Variants in SAMD12 observed in about 807,000 individuals in gnomAD.
SAMD12 encodes the protein sterile alpha motif domain containing 12, also known as sterile alpha motif domain-containing protein 12.
SAMD12 carries 9 observed loss-of-function variants against 15.0 expected under a neutral mutation model. The ratio of observed to expected loss-of-function variants is 0.60; its 90% CI spans 0.36 to 1.05. SAMD12 has a LOEUF of 1.05. SAMD12 is among the 50% of genes least tolerant of loss of function. The pLI is 0.01. For missense variants in SAMD12, 230 were observed against 234.2 expected (o/e 0.98, Z 0.12); for synonymous variants, 86 against 90.1 (o/e 0.96, Z 0.25).
intron 2 of SAMD12, among the ~76,000 whole-genome samples, chr8:118,566,574 C>T (rs1432441729): frequency 6.6e-6 from 1 of 152,100 alleles, no homozygotes; most frequent in Non-Finnish European, 1.5e-5. Context: ...AAAAGCCACT[C>T]TCACTAAATA....
intron 4 of SAMD12, among the ~76,000 whole-genome samples, chr8:118,262,780 T>C (rs1006717886): frequency 6.6e-6 from 1 of 151,996 alleles, no homozygotes; most frequent in African/African-American, 2.4e-5. Context: ...TCTGAAGACT[T>C]TAGGGCCATG....
intron 4 of SAMD12, among the ~76,000 whole-genome samples, chr8:118,248,866 T>G (rs930947773): frequency 2.6e-5 from 4 of 152,192 alleles, no homozygotes; most frequent in Non-Finnish European, 4.4e-5. Context: ...AATCTGTTCA[T>G]GCTTAGGGAC....
the SAMD12 span, among the ~76,000 whole-genome samples, chr8:118,163,986 G>T: frequency 6.6e-6 from 1 of 152,216 alleles, no homozygotes; most frequent in Non-Finnish European, 1.5e-5. Context: ...AAGAGTATCG[G>T]TAGGAACGAG....
Position 118,248,604 on chromosome 8 carries a change from TA to T in SAMD12, c.434-50873del, listed in dbSNP as rs1009207734. Among the ~76,000 whole-genome samples the T allele has an allele frequency of 4.7e-5, 7 of 150,102 alleles. No individual in the cohort carries two copies. In the East Asian group the frequency reaches 8.1e-4, roughly 17 times the overall value. Reference sequence around the variant, plus strand: ...CTCACTGTCTGTTTTGGCCACTATTTAAAAAAAATGATTACTGAATAGATGA... The same window carrying T: ...CTCACTGTCTGTTTTGGCCACTATTTAAAAAAATGATTACTGAATAGATGA... On this transcript the variant is annotated intron_variant, in intron 4 of 4. Coordinates refer to the SAMD12 transcript ENST00000409003.
chr8:118,476,493 C>A (rs1175105725), intron 2 of SAMD12, among the ~76,000 whole-genome samples: 1 of 152,132 alleles, frequency 6.6e-6, no homozygotes. Context: ...AGAGTCTAGT[C>A]CAGAAAGATG....
intron 3 of SAMD12, among the ~76,000 whole-genome samples, chr8:118,418,053 C>G (rs1052784887): frequency 6.6e-6 from 1 of 152,126 alleles, no homozygotes; most frequent in Non-Finnish European, 1.5e-5. Context: ...TTCTGCCCAT[C>G]ATCAACTTCA....
intron 1 of SAMD12, among the ~76,000 whole-genome samples, chr8:118,620,333 G>T (rs922435648): frequency 1.6e-5 from 2 of 126,640 alleles, no homozygotes; most frequent in Non-Finnish European, 3.1e-5. Flanking sequence ...AGCTCAAGAT[G>T]AACTTTATCT....
chr8:118,167,681 A>G, the SAMD12 span, among the ~76,000 whole-genome samples: 1 of 152,174 alleles, frequency 6.6e-6, no homozygotes, highest in South Asian at 2.1e-4. Context: ...CTTTGCTGAC[A>G]GCAGCCAATC....
At chr8:118,160,966 C>G in the SAMD12 span, among the ~76,000 whole-genome samples, 2 of 152,096 alleles carry the variant, frequency 1.3e-5, no homozygotes, top group Non-Finnish European at 2.9e-5. Flanking sequence ...ACAACAGTCC[C>G]CAGTGTGTGA....
chr8:118,292,421 G>GA (rs1282866511), intron 4 of SAMD12, among the ~76,000 whole-genome samples: 1 of 141,730 alleles, frequency 7.1e-6, no homozygotes, highest in African/African-American at 2.6e-5. Flanking sequence ...CAGATTCATA[G>GA]AAAAAACAAC....
intron 3 of SAMD12, among the ~76,000 whole-genome samples, chr8:118,434,044 G>A (rs1822500587): frequency 6.6e-6 from 1 of 152,160 alleles, no homozygotes; most frequent in South Asian, 2.1e-4. Flanking sequence ...GAGTAGAACA[G>A]CCCAGAAAAA....
chr8:118,537,548 A>G (rs1046848083), intron 2 of SAMD12, among the ~76,000 whole-genome samples: 6 of 152,140 alleles, frequency 3.9e-5, no homozygotes, highest in African/African-American at 1.4e-4. Flanking sequence ...TGCTCAATCA[A>G]TTCTGCTGTT....
chr8:118,301,297 T>C (rs565823899), intron 4 of SAMD12, among the ~76,000 whole-genome samples: 1 of 152,314 alleles, frequency 6.6e-6, no homozygotes, highest in South Asian at 2.1e-4. Context: ...GTGAACACCA[T>C]TTAGAATAAA....
the SAMD12 span, among the ~76,000 whole-genome samples, chr8:118,138,592 G>T: frequency 6.6e-6 from 1 of 152,212 alleles, no homozygotes; most frequent in African/African-American, 2.4e-5. Flanking sequence ...GGATGTATGA[G>T]AAATAAATTT....
chr8:118,151,091 A>T, the SAMD12 span, among the ~76,000 whole-genome samples: 1 of 151,980 alleles, frequency 6.6e-6, no homozygotes, highest in African/African-American at 2.4e-5. Flanking sequence ...ACAGTATCTT[A>T]AAACGTTTCT....
intron 2 of SAMD12, among the ~76,000 whole-genome samples, chr8:118,550,479 G>A (rs998023212): frequency 6.6e-6 from 1 of 152,194 alleles, no homozygotes; most frequent in African/African-American, 2.4e-5. Flanking sequence ...AGCAAATGCT[G>A]AGAGATTTTG....
chr8:118,204,417 T>A (rs1306951204), intron 4 of SAMD12, among the ~76,000 whole-genome samples: 3 of 151,914 alleles, frequency 2.0e-5, no homozygotes, highest in Non-Finnish European at 4.4e-5. Flanking sequence ...ACTGAGAGTA[T>A]GATTAAGGAA....
intron 2 of SAMD12, 73 bp from the exon 3 acceptor site, chr8:118,440,034 A>G: frequency 6.8e-7 from 1 of 1,469,248 alleles, no homozygotes; most frequent in Non-Finnish European, 9.4e-7. Context: ...AAAGTCTTAG[A>G]GTGTGTTAAA....
rs956506831 is a variant in SAMD12, at chr8:118,317,643, G to T, written c.433+61917C>A. ...TAGCTGGAAGGGTGCAACAAGAAAGGCTTCTGGGGTGCTAGTAATGTTCTA... is the reference window on the plus strand; with the variant it reads ...TAGCTGGAAGGGTGCAACAAGAAAGTCTTCTGGGGTGCTAGTAATGTTCTA... On this transcript the variant is annotated intron_variant, in intron 4 of 4. Coordinates refer to the SAMD12 transcript ENST00000409003. 3.3e-5 allele frequency among the ~76,000 whole-genome samples: 5 copies of T among 152,258 alleles called. No homozygotes were observed. In the East Asian group the frequency reaches 9.6e-4, roughly 29 times the overall value.
Sources: allele counts gnomAD v4.1 joint callset (sites outside exome capture counted in the v4.1 genomes callset), GRCh38; gene constraint gnomAD v4.1.1; transcripts MANE v1.5; gene names NCBI Gene and HGNC (gene_info 2026-07-23, HGNC 2026-07-21).